Variants in ELAPOR1 observed in about 807,000 individuals in gnomAD.
The protein encoded by ELAPOR1 is endosome/lysosome-associated apoptosis and autophagy regulator 1.
Under a neutral mutation model 119.7 loss-of-function variants are expected in ELAPOR1, and 77 were observed. The ratio of observed to expected loss-of-function variants is 0.64; its 90% CI spans 0.54 to 0.78. The LOEUF is 0.78. ELAPOR1 is among the 30% of genes least tolerant of loss of function. ELAPOR1 has a pLI of 0.00. For missense variants in ELAPOR1, 1,115 were observed against 1,270.4 expected, an observed-to-expected ratio of 0.88 and a Z score of 1.86; for synonymous variants, 481 against 487.2, an observed-to-expected ratio of 0.99 and a Z score of 0.17.
chr1:109,118,268 C>T (rs886184918), intron 1 of ELAPOR1, among the ~76,000 whole-genome samples: 3 of 152,054 alleles, frequency 2.0e-5, no homozygotes, highest in Admixed American at 6.6e-5. Flanking sequence ...AGGAGCTTGA[C>T]GAAAGGTCCA....
rs373460875 is a variant in ELAPOR1, at chr1:109,187,991, C to T, written c.1042-186C>T. On this transcript the variant is annotated intron_variant, in intron 8 of 21. Transcript: ENST00000369939. Reference sequence around the variant, plus strand: ...TTGGCAGATAGTGATTGAACACAACCATGACTCAGGCACTGGGCTAGGTGC... The same window carrying T: ...TTGGCAGATAGTGATTGAACACAACTATGACTCAGGCACTGGGCTAGGTGC... 8 of 1,358,880 alleles carry T rather than the reference C, an allele frequency of 5.9e-6. No individual in the cohort carries two copies. The African/African-American group carries it at 1.2e-4, about 20-fold the overall frequency. The allele number at this position is 1,358,880 out of a possible 1,614,324, so 84.2% of individuals were successfully genotyped here. A position where few individuals can be genotyped will look rare whatever the true frequency, so the allele number is the denominator to read the frequency against.
chr1:109,190,840 C>A (rs1393508727), intron 11 of ELAPOR1, among the ~76,000 whole-genome samples: 1 of 152,132 alleles, frequency 6.6e-6, no homozygotes, highest in Non-Finnish European at 1.5e-5. Flanking sequence ...TCCTTTAACC[C>A]CGGCAAAGCT....
Position 109,197,139 on chromosome 1 carries a change from G to GAA in ELAPOR1, c.2122-319_2122-318dup, listed in dbSNP as rs35880289. Among the ~76,000 whole-genome samples the GAA allele has an allele frequency of 6.2e-3, 821 of 132,688 alleles. 14 individuals are homozygous for GAA. The highest frequency in any genetic ancestry group is 0.022 in the African/African-American group (754 of 34,156). 87.0% of individuals were successfully genotyped at this position (132,688 alleles called of 152,430 possible). On this transcript the variant is annotated intron_variant, in intron 15 of 21. Coordinates refer to ENST00000369939, the MANE Select transcript of ELAPOR1 (RefSeq NM_020775.5). ...CAACACAGAGAGGCCCTATCTTTAC[G>GAA]AAAAAAAAAAAAAAAAATTAACCTG...
At chr1:109,190,314 C>G (rs1653353694) in intron 11 of ELAPOR1, among the ~76,000 whole-genome samples, 1 of 152,230 alleles carries the variant, frequency 6.6e-6, no homozygotes, top group African/African-American at 2.4e-5. Context: ...TTAAGACTAA[C>G]TGAGGTTCAG....
rs1418388663 is a variant in ELAPOR1 at position 109,136,277 on chromosome 1, T to A, written c.153+21941T>A. Among the ~76,000 whole-genome samples, 6 of 152,252 alleles carry A rather than the reference T, an allele frequency of 3.9e-5. No homozygotes were observed. The South Asian group carries it at 6.2e-4, about 16-fold the overall frequency. On this transcript the variant is annotated intron_variant, in intron 1 of 21. Transcript: ENST00000369939. ...TCATCCAGTATGACCAGGGTCCTTA[T>A]AAAAAGGGGGAAGTTTGGACAGAGA... is the stretch of plus-strand genomic sequence containing the variant.
chr1:109,175,202 AT>A (rs1286092937), intron 7 of ELAPOR1, among the ~76,000 whole-genome samples: 3 of 148,102 alleles, frequency 2.0e-5, no homozygotes, highest in Non-Finnish European at 1.5e-5. Flanking sequence ...TTTTATTTTT[AT>A]TTTTTTTTGA....
At chr1:109,173,328 G>A (rs4970824) in intron 5 of ELAPOR1, 146 bp from the exon 6 acceptor site, 36,579 of 685,868 alleles carry the variant, frequency 0.053, 1,338 homozygotes, top group Non-Finnish European at 0.071. Flanking sequence ...TGGGAAGAAG[G>A]ACAGAGCTGA....
intron 1 of ELAPOR1, among the ~76,000 whole-genome samples, chr1:109,144,332 G>A (rs555654764): frequency 3.1e-4 from 47 of 151,800 alleles, no homozygotes; most frequent in African/African-American, 1.1e-3. Context: ...GATTACAGGC[G>A]TGAGCCATCG....
intron 1 of ELAPOR1, among the ~76,000 whole-genome samples, chr1:109,123,365 AC>A (rs1648567284): frequency 6.6e-6 from 1 of 152,196 alleles, no homozygotes; most frequent in Admixed American, 6.5e-5. Context: ...TTACAAAGAT[AC>A]CTACTTTACA....
chr1:109,174,910 T>A (rs540942270), intron 7 of ELAPOR1, among the ~76,000 whole-genome samples: 12 of 151,994 alleles, frequency 7.9e-5, no homozygotes, highest in African/African-American at 2.9e-4. Context: ...AGAGACAGGG[T>A]TTCACTGTAT....
rs551624307 is a variant in ELAPOR1, at chr1:109,198,942, G to A, written c.2501+268G>A. ...AACCAACAGCTCGGCTGAGAGCCAG[G>A]TTGAATCATCTCCTCCACTAACCAG... On this transcript the variant is annotated intron_variant, in intron 18 of 21. Coordinates refer to ENST00000369939, the MANE Select transcript of ELAPOR1 (RefSeq NM_020775.5). Among the ~76,000 whole-genome samples, 7 of 152,320 alleles carry A rather than the reference G, an allele frequency of 4.6e-5. No homozygotes were observed. In the East Asian group the frequency reaches 1.4e-3, roughly 29 times the overall value.
intron 1 of ELAPOR1, among the ~76,000 whole-genome samples, chr1:109,130,061 C>T (rs1649053396): frequency 6.6e-6 from 1 of 152,224 alleles, no homozygotes; most frequent in Non-Finnish European, 1.5e-5. Flanking sequence ...ACTCCAACCT[C>T]TGACTTCACT....
chr1:109,173,028 C>T (rs930598139), intron 5 of ELAPOR1, among the ~76,000 whole-genome samples: 3 of 139,232 alleles, frequency 2.2e-5, no homozygotes, highest in Non-Finnish European at 4.5e-5. Context: ...ACCCAGGAGG[C>T]GGAGGTTGTG....
At position 109,172,964 on chromosome 1, in the gene ELAPOR1, G is replaced by T. The variant is rs549458295; in HGVS notation, c.696+396G>T. Among the ~76,000 whole-genome samples, 3 of 152,232 alleles carry T rather than the reference G, an allele frequency of 2.0e-5. No homozygotes were observed. In the East Asian group the frequency reaches 5.8e-4, roughly 29 times the overall value. ...ACAAAAAAATTAGCCAGGTATGGTG[G>T]CCCATGCTTGTAATCCCAGCTACTC... On this transcript the variant is annotated intron_variant, in intron 5 of 21. Transcript: ENST00000369939.
At chr1:109,174,171 C>A (rs916581650) in intron 7 of ELAPOR1, among the ~76,000 whole-genome samples, 2 of 151,616 alleles carry the variant, frequency 1.3e-5, no homozygotes, top group African/African-American at 4.9e-5. Context: ...CCCCACCACA[C>A]CCAGCTAATT....
chr1:109,181,149 A>G (rs1374408910), intron 7 of ELAPOR1, among the ~76,000 whole-genome samples: 1 of 152,152 alleles, frequency 6.6e-6, no homozygotes, highest in African/African-American at 2.4e-5. Flanking sequence ...CAAAAGCATG[A>G]GCTGCTGTCT....
At chr1:109,153,314 A>G (rs1465962929) in intron 1 of ELAPOR1, among the ~76,000 whole-genome samples, 1 of 152,194 alleles carries the variant, frequency 6.6e-6, no homozygotes, top group Non-Finnish European at 1.5e-5. Context: ...CTGGGAATTT[A>G]TCTAAAGGAA....
At chr1:109,144,053 A>ATTTTTTTTT (rs869275387) in intron 1 of ELAPOR1, among the ~76,000 whole-genome samples, 3 of 89,792 alleles carry the variant, frequency 3.3e-5, no homozygotes, top group African/African-American at 1.6e-4. Context: ...ATATATATAT[A>ATTTTTTTTT]TTTATATATT....
chr1:109,148,132 T>G (rs1350245826), intron 1 of ELAPOR1, among the ~76,000 whole-genome samples: 1 of 134,434 alleles, frequency 7.4e-6, no homozygotes, highest in Non-Finnish European at 1.6e-5. Flanking sequence ...CCACCGCACC[T>G]GGCCTATTTT....
Sources: allele counts gnomAD v4.1 joint callset (sites outside exome capture counted in the v4.1 genomes callset), GRCh38; gene constraint gnomAD v4.1.1; transcripts MANE v1.5; gene names NCBI Gene and HGNC (gene_info 2026-07-23, HGNC 2026-07-21).